The following SIRPB1 variants were observed in gnomAD, a reference collection of about 807,000 sequenced individuals.
The protein encoded by SIRPB1 is signal-regulatory protein beta-1.
Under a neutral mutation model 34.1 loss-of-function variants are expected in SIRPB1, and 28 were observed. That is an observed-to-expected ratio of 0.82 (90% CI 0.61 to 1.12). The LOEUF (loss-of-function observed/expected upper bound fraction) is 1.12, where lower values mean the gene tolerates loss of function less well. SIRPB1 is among the 50% of genes most tolerant of loss of function. SIRPB1 has a pLI of 0.00. For missense variants in SIRPB1, 499 were observed against 507.0 expected (o/e 0.98, Z 0.15); for synonymous variants, 211 against 203.8 (o/e 1.04, Z -0.30).
rs1478487252 is a variant in SIRPB1 at position 1,587,836 on chromosome 20, GA to G, written c.77-9143del. Among the ~76,000 whole-genome samples, 2 of 48,804 alleles carry G rather than the reference GA, an allele frequency of 4.1e-5. 1 individual carries two copies. The highest frequency in any genetic ancestry group is 7.9e-5 in the Non-Finnish European group (2 of 25,316). 32.0% of individuals were successfully genotyped at this position (48,804 alleles called of 152,430 possible). ...CAAGCCAAGGATAAAGACCTCAGTAGAAATTAACCCTGCTGACACTTTGATC... is the reference window on the plus strand; with the variant it reads ...CAAGCCAAGGATAAAGACCTCAGTAGAATTAACCCTGCTGACACTTTGATC... On this transcript the variant is annotated intron_variant, in intron 1 of 5. Coordinates refer to ENST00000381605, the MANE Select transcript of SIRPB1 (RefSeq NM_006065.5).
intron 2 of SIRPB1, among the ~76,000 whole-genome samples, chr20:1,575,861 G>A (rs540699817): frequency 2.8e-5 from 2 of 71,962 alleles, no homozygotes; most frequent in South Asian, 1.0e-3. Context: ...ACAGTTGAGT[G>A]TCACAAAGAC....
rs1290187747 is a variant in SIRPB1, at chr20:1,610,010, CTG to C, written c.76+9857_76+9858del. Among the ~76,000 whole-genome samples the C allele has an allele frequency of 1.9e-4, 14 of 72,702 alleles. 5 individuals carry two copies. The highest frequency in any genetic ancestry group is 3.1e-4 in the Non-Finnish European group (12 of 38,722). 47.7% of individuals were successfully genotyped at this position (72,702 alleles called of 152,430 possible). On this transcript the variant is annotated intron_variant, in intron 1 of 5. Transcript: ENST00000381605. Reference sequence around the variant, plus strand: ...AACTTACATATCCATCAACAGAAGACTGTAAAATAAATTTTGATATTTCCATA... The same window carrying C: ...AACTTACATATCCATCAACAGAAGACTAAAATAAATTTTGATATTTCCATA...
At chr20:1,619,783 G>T in intron 1 of SIRPB1, 86 bp downstream of exon 1, 1 of 999,422 alleles carries the variant, frequency 1.0e-6, no homozygotes, top group Non-Finnish European at 1.5e-6. Flanking sequence ...GGCAGCACTT[G>T]TCATTGTCCG....
At chr20:1,571,162 C>G in intron 3 of SIRPB1, 25 bp from the exon 4 acceptor site, 1 of 1,598,272 alleles carries the variant, frequency 6.3e-7, no homozygotes, top group Non-Finnish European at 8.5e-7. Flanking sequence ...GGCAGAAGCT[C>G]TGATCTTGTG....
At chr20:1,566,420 A>G (rs1219696997) in intron 4 of SIRPB1, among the ~76,000 whole-genome samples, 153 bp from the exon 5 acceptor site, 1 of 152,180 alleles carries the variant, frequency 6.6e-6, no homozygotes, top group Non-Finnish European at 1.5e-5. Flanking sequence ...ACTCCAGCCG[A>G]AAGCAAAGGC....
intron 2 of SIRPB1, 138 bp from the exon 3 acceptor site, chr20:1,572,175 CT>C (rs2091251897): frequency 7.2e-7 from 1 of 1,392,562 alleles, no homozygotes; most frequent in Non-Finnish European, 9.7e-7. Flanking sequence ...TGTCCTTATT[CT>C]CATTTTACAG....
At position 1,562,765 on chromosome 20, in the gene SIRPB1, C is replaced by T. The variant is rs1198097433; in HGVS notation, c.*2735G>A. Reference sequence around the variant, plus strand: ...GGCTCTCCTACTCAAACAGCAAATCCTATAGTTGGGTTGCCTCCTTGCCTC... The same window carrying T: ...GGCTCTCCTACTCAAACAGCAAATCTTATAGTTGGGTTGCCTCCTTGCCTC... On this transcript the variant is annotated 3_prime_UTR_variant, in exon 6 of 6. Transcript: ENST00000381605. Among the ~76,000 whole-genome samples the T allele has an allele frequency of 6.6e-6, 1 of 152,180 alleles. No homozygotes were observed. Among genetic ancestry groups the T allele is most frequent in the African/African-American group, 2.4e-5 (1 of 41,436 alleles).
At chr20:1,588,881 C>T (rs2091433604) in intron 1 of SIRPB1, 1 of 114,770 alleles carries the variant, frequency 8.7e-6, no homozygotes, top group Non-Finnish European at 1.6e-5. Flanking sequence ...AATGCTTCCT[C>T]TTCAACTGAG....
rs1217707843 is a variant in SIRPB1 at position 1,561,867 on chromosome 20, C to T, written c.*3633G>A. 6.6e-6 allele frequency among the ~76,000 whole-genome samples: 1 copy of T among 152,152 alleles called. No individual in the cohort carries two copies. The highest frequency in any genetic ancestry group is 6.5e-5 in the Admixed American group (1 of 15,276). On this transcript the variant is annotated 3_prime_UTR_variant, in exon 6 of 6. Coordinates refer to ENST00000381605, the MANE Select transcript of SIRPB1 (RefSeq NM_006065.5). ...TGCAAAGAAGTCGCAGTGCACAGCC[C>T]ACACTTCAGGAGTGGAAGTTATGTT...
Position 1,603,968 on chromosome 20 carries a change from T to G in SIRPB1, c.76+15901A>C. On this transcript the variant is annotated intron_variant, in intron 1 of 5. Transcript: ENST00000381605. ...CACCAGGAGCCAGCTCATCCAGTTG[T>G]AGGTACCATCCTTGTTTTCTGTAAG... The G allele has an allele frequency of 7.5e-5, 46 of 609,816 alleles. 18 individuals carry two copies. Among genetic ancestry groups the G allele is most frequent in the Non-Finnish European group, 9.6e-5 (44 of 456,746 alleles). The allele number at this position is 609,816 out of a possible 1,614,324, so 37.8% of individuals were successfully genotyped here. A position where few individuals can be genotyped will look rare whatever the true frequency, so the allele number is the denominator to read the frequency against.
chr20:1,572,595 G>C (rs988236130), intron 2 of SIRPB1, among the ~76,000 whole-genome samples: 2 of 151,914 alleles, frequency 1.3e-5, no homozygotes, highest in African/African-American at 4.8e-5. Flanking sequence ...AATGGAAGCA[G>C]TTTTGCTCTG....
Position 1,571,969 on chromosome 20 carries a change from T to A in SIRPB1, c.502A>T (p.Thr168Ser). ...GGAGAGAAGCCATGGGACTCGCAGG[T>A]GAAGCTCACTGTGTGCTCAGGTGTG... ...RATPEHTVSF[T>S]CESHGFSPRD... The change falls in exon 3 of 6, where the codon ACC (threonine) becomes TCC (serine). Residue 168 changes from threonine to serine, a missense_variant. Thr to Ser is a moderately conservative substitution (Grantham distance 58, BLOSUM62 1). Transcript: ENST00000381605. The A allele has an allele frequency of 6.2e-7, 1 of 1,613,998 alleles. No homozygotes were observed. Among genetic ancestry groups the A allele is most frequent in the Non-Finnish European group, 8.5e-7 (1 of 1,179,998 alleles).
Position 1,610,034 on chromosome 20 carries a change from C to T in SIRPB1, c.76+9835G>A, listed in dbSNP as rs2091549188. On this transcript the variant is annotated intron_variant, in intron 1 of 5. Transcript: ENST00000381605. The stretch of plus-strand genomic sequence containing the variant: ...ACTGTAAAATAAATTTTGATATTTC[C>T]ATAGATTGGAGTATTTTTCAGCTGT... Among the ~76,000 whole-genome samples, 2 of 72,266 alleles carry T rather than the reference C, an allele frequency of 2.8e-5. 1 individual carries two copies. Among genetic ancestry groups the T allele is most frequent in the East Asian group, 1.1e-3 (2 of 1,746 alleles). The allele number at this position is 72,266 out of a possible 152,430, so 47.4% of individuals were successfully genotyped here.
Position 1,570,605 on chromosome 20 carries a change from G to A in SIRPB1, c.1084+200C>T, listed in dbSNP as rs550508722. The A allele has an allele frequency of 2.9e-4, 136 of 471,820 alleles. 2 individuals carry two copies. The East Asian group carries it at 4.5e-3, about 16-fold the overall frequency. 29.2% of individuals were successfully genotyped at this position (471,820 alleles called of 1,614,324 possible). ...GACGCACAGTTTCTCCTGGTAGATG[G>A]GGCTTAAGGGTGTCTACAAATGGCC... On this transcript the variant is annotated intron_variant, in intron 4 of 5. Transcript: ENST00000381605.
Position 1,562,006 on chromosome 20 carries a change from C to T in SIRPB1, c.*3494G>A, listed in dbSNP as rs2091086691. Among the ~76,000 whole-genome samples, 1 of 152,122 alleles carries T rather than the reference C, an allele frequency of 6.6e-6. No homozygotes were observed. On this transcript the variant is annotated 3_prime_UTR_variant, in exon 6 of 6. Coordinates refer to ENST00000381605, the MANE Select transcript of SIRPB1 (RefSeq NM_006065.5). ...AATCATTTATTTATATCAGTATGGACTCAGATATTTATTTTATACTTTGGA... is the reference window on the plus strand; with the variant it reads ...AATCATTTATTTATATCAGTATGGATTCAGATATTTATTTTATACTTTGGA...
rs370361511 is a variant in SIRPB1 at position 1,565,806 on chromosome 20, T to C, written c.*3-309A>G. Among the ~76,000 whole-genome samples the C allele has an allele frequency of 4.0e-5, 6 of 151,816 alleles. No homozygotes were observed. In the East Asian group the frequency reaches 8.0e-4, roughly 20 times the overall value. ...TACGGTGGGGATTACTTTGAACCCA[T>C]GGAGTCCCAGCAGTGGCCTCCAAGG... On this transcript the variant is annotated intron_variant, in intron 5 of 5. Coordinates refer to ENST00000381605, the MANE Select transcript of SIRPB1 (RefSeq NM_006065.5).
rs1405558811 is a variant in SIRPB1 at position 1,563,857 on chromosome 20, C to G, written c.*1643G>C. The G allele has an allele frequency of 6.6e-6, 1 of 152,470 alleles. No homozygotes were observed. Among genetic ancestry groups the G allele is most frequent in the Non-Finnish European group, 1.5e-5 (1 of 68,028 alleles). The allele number at this position is 152,470 out of a possible 1,614,324, so 9.4% of individuals were successfully genotyped here. On this transcript the variant is annotated 3_prime_UTR_variant, in exon 6 of 6. Transcript: ENST00000381605. Reference sequence around the variant, plus strand: ...AGAACAGCAAGGGGGAAGTCCGCCCCCATGATTCAGTCACCTCCTACCAGG... The same window carrying G: ...AGAACAGCAAGGGGGAAGTCCGCCCGCATGATTCAGTCACCTCCTACCAGG...
At chr20:1,594,159 C>T (rs1235359434) in intron 1 of SIRPB1, among the ~76,000 whole-genome samples, 1 of 48,420 alleles carries the variant, frequency 2.1e-5, no homozygotes, top group Non-Finnish European at 4.0e-5. Flanking sequence ...GCTGAGATTG[C>T]GCCATTGCAC....
Position 1,572,020 on chromosome 20 carries a change from C to T in SIRPB1, c.451G>A (p.Val151Met), listed in dbSNP as rs1008776803. 1.5e-5 allele frequency: 25 copies of T among 1,613,784 alleles called. No individual in the cohort carries two copies. The highest frequency in any genetic ancestry group is 2.2e-5 in the East Asian group (1 of 44,886). Reference sequence around the variant, plus strand: ...GCCCTCACCGCAGGGCCCGATACCACGGGGGCAGAGGGTTTGGCTACAAAA... The same window carrying T: ...GCCCTCACCGCAGGGCCCGATACCATGGGGGCAGAGGGTTTGGCTACAAAA... The part of the protein sequence containing the change: ...LSVRAKPSAP[V>M]VSGPAVRATP... The change falls in exon 3 of 6, where the codon GTG becomes ATG. Residue 151 changes from valine (V) to methionine (M), a missense_variant. Val to Met is a conservative substitution (Grantham distance 21). Transcript: ENST00000381605.
Sources: allele counts gnomAD v4.1 joint callset (sites outside exome capture counted in the v4.1 genomes callset), GRCh38; gene constraint gnomAD v4.1.1; transcripts MANE v1.5; gene names NCBI Gene and HGNC (gene_info 2026-07-23, HGNC 2026-07-21).